ACTR3C: variants seen among roughly 807,000 people sequenced by gnomAD.
ACTR3C encodes actin-related protein 3C.
ACTR3C carries 18 observed loss-of-function variants against 26.3 expected under a neutral mutation model. The ratio of observed to expected loss-of-function variants is 0.68; its 90% CI spans 0.47 to 1.01. ACTR3C has a LOEUF of 1.01. Among genes scored for constraint, ACTR3C ranks in the 50% least tolerant of loss-of-function variants. ACTR3C has a pLI of 0.00. For missense variants in ACTR3C, 184 were observed against 250.7 expected (o/e 0.73, Z 1.80); for synonymous variants, 55 against 94.5 (o/e 0.58, Z 2.42).
At chr7:150,091,982 C>T in the ACTR3C span, among the ~76,000 whole-genome samples, 2 of 30,564 alleles carry the variant, frequency 6.5e-5, no homozygotes, top group Non-Finnish European at 1.4e-4. Context: ...AGCGAGACTC[C>T]GTCTCAAAAA....
chr7:149,896,940 A>C, the ACTR3C span, among the ~76,000 whole-genome samples: 1 of 151,888 alleles, frequency 6.6e-6, no homozygotes, highest in African/African-American at 2.4e-5. Flanking sequence ...AGGCACCTAT[A>C]ATCCCAGCTA....
chr7:150,000,300 A>G, the ACTR3C span, among the ~76,000 whole-genome samples: 1 of 138,654 alleles, frequency 7.2e-6, no homozygotes, highest in South Asian at 2.5e-4. Context: ...ATAGCACCTT[A>G]TGCACACTAG....
At chr7:149,912,104 C>T in the ACTR3C span, among the ~76,000 whole-genome samples, 3 of 151,674 alleles carry the variant, frequency 2.0e-5, no homozygotes, top group African/African-American at 4.8e-5. Flanking sequence ...TCCCACTGTG[C>T]ACCATGGACA....
chr7:150,077,805 G>T, the ACTR3C span, among the ~76,000 whole-genome samples: 1 of 152,194 alleles, frequency 6.6e-6, no homozygotes, highest in Non-Finnish European at 1.5e-5. Context: ...TCTCATCCTA[G>T]TGCAAAGACC....
At chr7:149,977,475 C>A in the ACTR3C span, among the ~76,000 whole-genome samples, 1 of 152,212 alleles carries the variant, frequency 6.6e-6, no homozygotes, top group East Asian at 1.9e-4. Flanking sequence ...AACCCGGCCA[C>A]TTGTTCTTTA....
chr7:150,201,879 T>C, the ACTR3C span, among the ~76,000 whole-genome samples: 1 of 152,196 alleles, frequency 6.6e-6, no homozygotes, highest in Non-Finnish European at 1.5e-5. Context: ...TCTCTTAAAA[T>C]AAGAGCTATA....
chr7:150,193,999 C>G, the ACTR3C span, among the ~76,000 whole-genome samples: 3,932 of 148,398 alleles, frequency 0.026, 181 homozygotes, highest in African/African-American at 0.092. Flanking sequence ...CAGACACACA[C>G]ACACACACAC....
the ACTR3C span, among the ~76,000 whole-genome samples, chr7:149,921,825 C>T: frequency 2.6e-5 from 4 of 151,870 alleles, no homozygotes; most frequent in South Asian, 8.4e-4. Context: ...TGCAGTAAGC[C>T]GAGATCAAGC....
At chr7:150,219,991 G>A in the ACTR3C span, among the ~76,000 whole-genome samples, 1 of 146,836 alleles carries the variant, frequency 6.8e-6, no homozygotes, top group African/African-American at 2.7e-5. Context: ...TCCAGCCCCA[G>A]GGTGGCCGGC....
rs190765788 is a variant in ACTR3C at position 150,255,329 on chromosome 7, G to A, written c.565-6275C>T. Among the ~76,000 whole-genome samples, 28 of 145,846 alleles carry A rather than the reference G, an allele frequency of 1.9e-4. No individual in the cohort carries two copies. In the Admixed American group the frequency reaches 2.0e-3, roughly 10 times the overall value. On this transcript the variant is annotated intron_variant, in intron 6 of 7. Transcript: ENST00000683684. ...GATCAGCCTGTTAACAGACTAGGCA[G>A]ATGCCCAGCATATCTGAACTACATC... is the stretch of plus-strand genomic sequence containing the variant.
chr7:150,003,666 T>C, the ACTR3C span, among the ~76,000 whole-genome samples: 3 of 152,100 alleles, frequency 2.0e-5, no homozygotes, highest in East Asian at 3.9e-4. Flanking sequence ...GTGTGTGTGG[T>C]ATATAGTGCA....
At chr7:150,035,142 C>A in the ACTR3C span, among the ~76,000 whole-genome samples, 213 of 136,616 alleles carry the variant, frequency 1.6e-3, 5 homozygotes, top group African/African-American at 5.3e-3. Flanking sequence ...ATCTTAGGAT[C>A]AACGATGGGG....
chr7:150,321,298 T>A (rs1175367884), intron 1 of ACTR3C, among the ~76,000 whole-genome samples: 1 of 152,236 alleles, frequency 6.6e-6, no homozygotes, highest in Non-Finnish European at 1.5e-5. Context: ...TTGAATAAAG[T>A]CTCTCACCTT....
the ACTR3C span, among the ~76,000 whole-genome samples, chr7:150,070,807 T>G: frequency 3.3e-5 from 5 of 150,552 alleles, 1 homozygote; most frequent in African/African-American, 1.2e-4. Context: ...TTCTTTTTTT[T>G]TTTTTGAGAT....
At chr7:150,312,507 A>T (rs1796413047) in intron 1 of ACTR3C, among the ~76,000 whole-genome samples, 1 of 152,230 alleles carries the variant, frequency 6.6e-6, no homozygotes, top group Non-Finnish European at 1.5e-5. Flanking sequence ...CTGGCCTAAA[A>T]ACTCATCGCC....
At chr7:149,954,750 T>C in the ACTR3C span, among the ~76,000 whole-genome samples, 4 of 152,266 alleles carry the variant, frequency 2.6e-5, no homozygotes, top group African/African-American at 9.6e-5. Context: ...TATCAATGTA[T>C]CTCGTGGTCC....
the ACTR3C span, among the ~76,000 whole-genome samples, chr7:149,972,094 C>T: frequency 2.4e-4 from 37 of 152,326 alleles, no homozygotes; most frequent in Non-Finnish European, 4.3e-4. Flanking sequence ...GTCATTTCCT[C>T]AGAGCTGACG....
At chr7:149,975,791 C>G in the ACTR3C span, among the ~76,000 whole-genome samples, 2 of 152,100 alleles carry the variant, frequency 1.3e-5, no homozygotes, top group Non-Finnish European at 2.9e-5. Flanking sequence ...AGGGGAAAGC[C>G]CCTTAGAAAA....
intron 6 of ACTR3C, among the ~76,000 whole-genome samples, chr7:150,251,112 C>T (rs1832821473): frequency 6.6e-6 from 1 of 152,190 alleles, no homozygotes; most frequent in African/African-American, 2.4e-5. Context: ...ATAATATTTA[C>T]TGAATGAACA....
Sources: gnomAD v4.1 joint callset for allele counts (sites outside exome capture counted in the v4.1 genomes callset) on GRCh38, gnomAD v4.1.1 for gene constraint, MANE v1.5 for transcripts, NCBI Gene and HGNC (gene_info 2026-07-23, HGNC 2026-07-21) for gene names.